The following TMEM200C variants were observed in gnomAD, a reference collection of about 807,000 sequenced individuals.
TMEM200C encodes transmembrane protein 200C, also known as transmembrane protein TTMA.
For synonymous variants in TMEM200C, 462 were observed against 324.7 expected (o/e 1.42, Z -4.55); for missense variants, 966 against 699.9 (o/e 1.38, Z -4.29).
exon 3 of TMEM200C, chr18:5,890,265 T>C (rs1023350527): frequency 1.3e-6 from 2 of 1,593,790 alleles, no homozygotes; most frequent in African/African-American, 2.7e-5. Context: ...CATGATGAGT[T>C]TCTCCTTGTT....
exon 3 of TMEM200C, chr18:5,890,023 G>T: frequency 3.9e-6 from 2 of 509,824 alleles, no homozygotes; most frequent in Non-Finnish European, 6.2e-6. Context: ...AAAATCCTTG[G>T]AGTTATCTAC....
exon 3 of TMEM200C, chr18:5,885,988 C>G (rs1317266336): frequency 1.3e-5 from 2 of 152,086 alleles, no homozygotes; most frequent in African/African-American, 4.8e-5. Context: ...AGAAAAATAT[C>G]CATCTTAAAC....
Position 5,891,699 on chromosome 18 carries a change from C to G in TMEM200C, c.365G>C (p.Gly122Ala), listed in dbSNP as rs368367316. Residue 122 changes from glycine (G) to alanine (A), a missense_variant, in exon 3 of 3, where the codon GGT (glycine) becomes GCT (alanine). Gly to Ala is a moderately conservative substitution (Grantham distance 60, BLOSUM62 0). Coordinates refer to ENST00000581347, the Ensembl canonical transcript of TMEM200C. The surrounding 1 kb of genome is among the most constrained non-coding windows in gnomAD (Gnocchi z 4.7). Reference sequence around the variant, plus strand: ...CGCGCCCGCGGAACTGGAGTTGACACCCCCTGGAGCCCTAGGGTGGCTCCT... The same window carrying G: ...CGCGCCCGCGGAACTGGAGTTGACAGCCCCTGGAGCCCTAGGGTGGCTCCT... The G allele has an allele frequency of 9.3e-6, 15 of 1,613,384 alleles. No individual in the cohort carries two copies. In the African/African-American group the frequency reaches 1.9e-4, roughly 20 times the overall value.
exon 3 of TMEM200C, chr18:5,887,774 GTTACGATTGTGAA>G (rs1405689621): frequency 6.6e-6 from 1 of 152,192 alleles, no homozygotes; most frequent in Admixed American, 6.5e-5. Context: ...TCCTATGAAA[GTTACGATTGTGAA>G]TTACTACACT....
exon 3 of TMEM200C, chr18:5,884,250 C>T (rs2095163799): frequency 6.6e-6 from 1 of 151,884 alleles, no homozygotes; most frequent in Non-Finnish European, 1.5e-5. Flanking sequence ...AATTAAATAT[C>T]AATTACCTTA....
In TMEM200C at chr18:5,891,828, G is replaced by A. The variant is rs1199382399; in HGVS notation, c.236C>T (p.Thr79Ile). ...CTTACCCCCCTCCCGATTGGTCCCG[G>A]TGGCCTTGGGCCAGTAGCCCACCAC... The change falls in exon 3 of 3, where the codon ACC becomes ATC. Residue 79 changes from threonine (T) to isoleucine (I), a missense_variant. By Grantham distance (89) the Thr-to-Ile change is moderately conservative. Transcript: ENST00000581347. This position sits in a 1 kb window ranked among gnomAD's most constrained non-coding sequence, Gnocchi z 4.7. 7 of 1,606,384 alleles carry A rather than the reference G, an allele frequency of 4.4e-6. No individual in the cohort carries two copies. Among genetic ancestry groups the A allele is most frequent in the East Asian group, 4.5e-5 (2 of 44,838 alleles).
rs1203466078 is a variant in TMEM200C at position 5,891,161 on chromosome 18, G to A, written c.903C>T (p.Ser301=). ...GCGGGGAAGAGGCCAGGTCCGGCGGGGACGCGGCGCCCCGAGGGCGGCCGC... is the reference window on the plus strand; with the variant it reads ...GCGGGGAAGAGGCCAGGTCCGGCGGAGACGCGGCGCCCCGAGGGCGGCCGC... The change falls in exon 3 of 3, where the codon TCC becomes TCT. Residue 301 remains serine, a synonymous_variant. Transcript: ENST00000581347. This position sits in a 1 kb window ranked among gnomAD's most constrained non-coding sequence, Gnocchi z 4.7. 1.4e-5 allele frequency: 8 copies of A among 559,386 alleles called. No homozygotes were observed. In the East Asian group the frequency reaches 2.9e-4, roughly 20 times the overall value. The allele number at this position is 559,386 out of a possible 1,614,324, so 34.7% of individuals were successfully genotyped here.
chr18:5,890,486 C>T (rs1345673379), exon 3 of TMEM200C: 1 of 1,551,944 alleles, frequency 6.4e-7, no homozygotes. Context: ...GGTCATCCGA[C>T]TGGGAGCTCC....
exon 3 of TMEM200C, chr18:5,890,120 CAG>C (rs1420083115): frequency 7.5e-7 from 1 of 1,341,900 alleles, no homozygotes; most frequent in Non-Finnish European, 9.9e-7. Context: ...ACAAAAGAAA[CAG>C]GGACCTGTTA....
exon 3 of TMEM200C, chr18:5,890,593 C>T (rs1440739065): frequency 1.6e-6 from 2 of 1,217,848 alleles, no homozygotes; most frequent in Admixed American, 4.2e-5. Flanking sequence ...TCCGCACTCC[C>T]CGGGGAGGGC....
At position 5,891,211 on chromosome 18, in the gene TMEM200C, G is replaced by T; in HGVS notation, c.853C>A (p.Pro285Thr). 1.7e-6 allele frequency: 2 copies of T among 1,145,256 alleles called. No individual in the cohort carries two copies. The highest frequency in any genetic ancestry group is 2.3e-5 in the South Asian group (1 of 42,940). 70.9% of individuals were successfully genotyped at this position (1,145,256 alleles called of 1,614,324 possible). The stretch of plus-strand genomic sequence containing the variant: ...CCGCTCGGCGCCGCGGGGTGAGGAG[G>T]CCACGAGCCCTTGGCCAGCATCGCC... The change falls in exon 3 of 3, where the codon CCT becomes ACT. Residue 285 changes from proline (P) to threonine (T), a missense_variant. Physicochemically the swap from Pro to Thr is conservative, Grantham distance 38. Coordinates refer to ENST00000581347, the Ensembl canonical transcript of TMEM200C. This position sits in a 1 kb window ranked among gnomAD's most constrained non-coding sequence, Gnocchi z 4.7.
chr18:5,886,683 A>G (rs567819068), exon 3 of TMEM200C: 1 of 152,212 alleles, frequency 6.6e-6, no homozygotes, highest in South Asian at 2.1e-4. Context: ...AAGTCCTTTA[A>G]TTATATTAGT....
chr18:5,883,903 G>A (rs1206101921), exon 3 of TMEM200C: 1 of 152,082 alleles, frequency 6.6e-6, no homozygotes, highest in Non-Finnish European at 1.5e-5. Context: ...TAATTTTAAA[G>A]CAATGTATAA....
At position 5,891,203 on chromosome 18, in the gene TMEM200C, G is replaced by A. The variant is rs2095170534; in HGVS notation, c.861C>T (p.His287=). The A allele has an allele frequency of 9.6e-7, 1 of 1,041,028 alleles. No homozygotes were observed. Among genetic ancestry groups the A allele is most frequent in the Non-Finnish European group, 1.2e-6 (1 of 803,130 alleles). 64.5% of individuals were successfully genotyped at this position (1,041,028 alleles called of 1,614,324 possible). The change falls in exon 3 of 3, where the codon CAC becomes CAT. Residue 287 remains histidine (H), a synonymous_variant. Coordinates refer to ENST00000581347, the Ensembl canonical transcript of TMEM200C. The surrounding 1 kb of genome is among the most constrained non-coding windows in gnomAD (Gnocchi z 4.7). ...GGCGGCCGCCGCTCGGCGCCGCGGGGTGAGGAGGCCACGAGCCCTTGGCCA... is the reference window on the plus strand; with the variant it reads ...GGCGGCCGCCGCTCGGCGCCGCGGGATGAGGAGGCCACGAGCCCTTGGCCA...
At chr18:5,896,164 T>TG (rs1238551600), upstream of TMEM200C, among the ~76,000 whole-genome samples, 1 of 152,110 alleles carries the variant, frequency 6.6e-6, no homozygotes, top group African/African-American at 2.4e-5. Context: ...GCGGGACGCT[T>TG]GGAAGCCTCT....
In TMEM200C at chr18:5,891,365, C is replaced by G. The variant is rs1599526748; in HGVS notation, c.699G>C (p.Ser233=). Residue 233 remains serine, a synonymous_variant, in exon 3 of 3, where the codon TCG becomes TCC. Coordinates refer to ENST00000581347, the Ensembl canonical transcript of TMEM200C. The surrounding 1 kb of genome is among the most constrained non-coding windows in gnomAD (Gnocchi z 4.7). ...GGGGCGCCGCGGCGGGGGCAGACGA[C>G]GACGAAGAGGCGGCGGCGGCCGCGG... 3.0e-6 allele frequency: 4 copies of G among 1,347,976 alleles called. No homozygotes were observed. Among genetic ancestry groups the G allele is most frequent in the Admixed American group, 4.0e-5 (1 of 25,148 alleles). 83.5% of individuals were successfully genotyped at this position (1,347,976 alleles called of 1,614,324 possible). A position where few individuals can be genotyped will look rare whatever the true frequency, so the allele number is the denominator to read the frequency against.
At chr18:5,890,305 G>C in exon 3 of TMEM200C, 1 of 1,601,324 alleles carries the variant, frequency 6.2e-7, no homozygotes, top group Non-Finnish European at 8.5e-7. Context: ...GGCTGAGGTT[G>C]CTCGGCCGTG....
At chr18:5,890,004 TTA>T in exon 3 of TMEM200C, 1 of 414,334 alleles carries the variant, frequency 2.4e-6, no homozygotes, top group Non-Finnish European at 4.1e-6. Context: ...ACTAGTTTGC[TTA>T]AAAAAAAAAA....
chr18:5,895,610 CA>C (rs1323117362), intron 1 of TMEM200C, 88 bp from the exon 1 acceptor site: 3 of 143,264 alleles, frequency 2.1e-5, no homozygotes, highest in South Asian at 2.1e-4. Context: ...CGCCCCCCCC[CA>C]CGCCGCCGGC....
Sources: gnomAD v4.1 joint callset for allele counts (sites outside exome capture counted in the v4.1 genomes callset) on GRCh38, gnomAD v4.1.1 for gene constraint, Gnocchi (gnomAD v3.1) non-coding constraint, MANE v1.5 for transcripts, NCBI Gene and HGNC (gene_info 2026-07-23, HGNC 2026-07-21) for gene names.